Variants in CSMD1 observed in about 807,000 individuals in gnomAD.
CSMD1 encodes the protein CUB and Sushi multiple domains 1.
Under a neutral mutation model 417.5 loss-of-function variants are expected in CSMD1, and 213 were observed. The observed-to-expected ratio is 0.51, with a 90% confidence interval of 0.46 to 0.57. The LOEUF (loss-of-function observed/expected upper bound fraction) is 0.57. CSMD1 is among the 20% of genes least tolerant of loss of function. CSMD1 has a pLI of 0.00. For missense variants in CSMD1, 6,923 were observed against 4,529.7 expected (o/e 1.53, Z -15.17); for synonymous variants, 2,862 against 1,736.8 (o/e 1.65, Z -16.11).
intron 10 of CSMD1, among the ~76,000 whole-genome samples, chr8:3,562,036 C>A (rs1427191261): frequency 2.6e-5 from 4 of 152,024 alleles, no homozygotes; most frequent in East Asian, 3.9e-4. Context: ...CACATCACTA[C>A]CACCCATCTC....
intron 3 of CSMD1, among the ~76,000 whole-genome samples, chr8:4,095,263 C>T (rs1287228807): frequency 6.6e-6 from 1 of 152,142 alleles, no homozygotes; most frequent in East Asian, 1.9e-4. Flanking sequence ...AGAGGTTCCT[C>T]CGAGGAGATT....
At chr8:4,727,523 C>T (rs1213849189) in intron 1 of CSMD1, among the ~76,000 whole-genome samples, 1 of 152,104 alleles carries the variant, frequency 6.6e-6, no homozygotes, top group Non-Finnish European at 1.5e-5. Context: ...ATAATGCCTT[C>T]TGGGTGTGTT....
At chr8:4,593,876 G>A (rs757699367) in intron 2 of CSMD1, among the ~76,000 whole-genome samples, 2 of 152,138 alleles carry the variant, frequency 1.3e-5, no homozygotes, top group Non-Finnish European at 2.9e-5. Context: ...AAACAGACCA[G>A]CTTAAAGCAA....
intron 3 of CSMD1, among the ~76,000 whole-genome samples, chr8:4,194,829 A>C (rs1799236427): frequency 6.6e-6 from 1 of 152,110 alleles, no homozygotes; most frequent in South Asian, 2.1e-4. Context: ...AAGAAAAAAA[A>C]AAGTTTGTTT....
intron 3 of CSMD1, among the ~76,000 whole-genome samples, chr8:4,184,395 T>A (rs1798547532): frequency 6.6e-6 from 1 of 152,174 alleles, no homozygotes; most frequent in Non-Finnish European, 1.5e-5. Context: ...CCAATTCTAA[T>A]AATCTGGAGC....
intron 3 of CSMD1, among the ~76,000 whole-genome samples, chr8:4,065,174 A>C (rs1820437): frequency 1.3e-5 from 2 of 152,220 alleles, no homozygotes; most frequent in Admixed American, 6.5e-5. Flanking sequence ...TACACAAAAC[A>C]CTTCTGATAC....
intron 1 of CSMD1, among the ~76,000 whole-genome samples, chr8:4,963,415 G>A (rs1809649373): frequency 6.6e-6 from 1 of 152,000 alleles, no homozygotes; most frequent in Non-Finnish European, 1.5e-5. Context: ...GACCAGCTTG[G>A]TCTCGAACTC....
rs142769879 is a variant in CSMD1, at chr8:4,946,356, C to T, written c.85+47976G>A. ...AAACAATTTTTGAGGGTGCTTTAGT[C>T]ACCATTGAGAAATGCCCCCACCTAG... On this transcript the variant is annotated intron_variant, in intron 1 of 69. Transcript: ENST00000635120. 3.3e-4 allele frequency among the ~76,000 whole-genome samples: 51 copies of T among 152,250 alleles called. No homozygotes were observed. The East Asian group carries it at 9.3e-3, about 28-fold the overall frequency.
rs1393786462 is a variant in CSMD1, at chr8:3,228,698, T to A, written c.4345+1342A>T. 2.0e-5 allele frequency among the ~76,000 whole-genome samples: 3 copies of A among 152,144 alleles called. No homozygotes were observed. The East Asian group carries it at 5.8e-4, about 29-fold the overall frequency. ...ACATGTTCAAATTAATATAAATTAA[T>A]AAATTACTTTTAAGGGATTAACTCG... On this transcript the variant is annotated intron_variant, in intron 27 of 69. Coordinates refer to ENST00000635120, the MANE Select transcript of CSMD1 (RefSeq NM_033225.6).
chr8:3,815,340 C>T (rs562180642), intron 5 of CSMD1, among the ~76,000 whole-genome samples: 2 of 152,138 alleles, frequency 1.3e-5, no homozygotes, highest in South Asian at 2.1e-4. Context: ...CATGCATTTT[C>T]GGAACACATC....
chr8:4,870,832 C>G (rs1034837899), intron 1 of CSMD1, among the ~76,000 whole-genome samples: 1 of 152,136 alleles, frequency 6.6e-6, no homozygotes. Flanking sequence ...TTTGCTGGCT[C>G]CCCTCTGCTT....
chr8:3,064,532 C>G (rs562685643), intron 49 of CSMD1, among the ~76,000 whole-genome samples: 1 of 152,232 alleles, frequency 6.6e-6, no homozygotes, highest in East Asian at 1.9e-4. Context: ...TACCCAGTCT[C>G]AGGTAGTTAT....
intron 3 of CSMD1, among the ~76,000 whole-genome samples, chr8:4,036,050 G>A (rs557091735): frequency 1.3e-5 from 2 of 152,216 alleles, no homozygotes; most frequent in Admixed American, 6.5e-5. Context: ...TGACCATTAT[G>A]TTATAGTTGC....
intron 1 of CSMD1, among the ~76,000 whole-genome samples, chr8:4,859,704 A>C (rs1000796067): frequency 1.3e-5 from 2 of 152,044 alleles, no homozygotes; most frequent in Non-Finnish European, 2.9e-5. Flanking sequence ...TCAAAACCAC[A>C]ATGAGATACC....
At chr8:4,489,663 G>A (rs1324514686) in intron 2 of CSMD1, among the ~76,000 whole-genome samples, 10 of 152,174 alleles carry the variant, frequency 6.6e-5, no homozygotes, top group South Asian at 4.1e-4. Context: ...GACGGCATGC[G>A]TGTGAGCACC....
At chr8:4,036,923 A>C (rs756236107) in intron 3 of CSMD1, among the ~76,000 whole-genome samples, 4 of 151,358 alleles carry the variant, frequency 2.6e-5, no homozygotes, top group African/African-American at 7.3e-5. Context: ...GCTCATTGGC[A>C]TGTGCCCTGG....
At chr8:3,883,306 G>A (rs547791716) in intron 5 of CSMD1, among the ~76,000 whole-genome samples, 2 of 152,114 alleles carry the variant, frequency 1.3e-5, no homozygotes, top group South Asian at 2.1e-4. Context: ...AGAACTGAAC[G>A]ACATAATATA....
At chr8:4,584,462 G>A (rs11987692) in intron 2 of CSMD1, among the ~76,000 whole-genome samples, 20,891 of 151,982 alleles carry the variant, frequency 0.14, 1,712 homozygotes, top group African/African-American at 0.24. Flanking sequence ...TAGCGTGGCC[G>A]CCGGACTAAA....
At chr8:4,052,240 C>A (rs1311802831) in intron 3 of CSMD1, among the ~76,000 whole-genome samples, 1 of 152,118 alleles carries the variant, frequency 6.6e-6, no homozygotes, top group Non-Finnish European at 1.5e-5. Context: ...TGCAGGATTT[C>A]TGAGAGGGTG....
Sources: gnomAD v4.1 joint callset for allele counts (sites outside exome capture counted in the v4.1 genomes callset) on GRCh38, gnomAD v4.1.1 for gene constraint, MANE v1.5 for transcripts, NCBI Gene and HGNC (gene_info 2026-07-23, HGNC 2026-07-21) for gene names.